The following SH3BP5 variants were observed in gnomAD, a reference collection of about 807,000 sequenced individuals.
The protein encoded by SH3BP5 is SH3 domain-binding protein 5.
A neutral mutation model predicts 43.3 loss-of-function variants in SH3BP5; 22 were observed. That is an observed-to-expected ratio of 0.51 (90% CI 0.36 to 0.73). The LOEUF is 0.73. Among genes scored for constraint, SH3BP5 ranks in the 30% least tolerant of loss-of-function variants. The pLI is 0.00. For synonymous variants in SH3BP5, 255 were observed against 225.8 expected (o/e 1.13, Z -1.16); for missense variants, 529 against 586.9 (o/e 0.90, Z 1.02).
intron 5 of SH3BP5, among the ~76,000 whole-genome samples, chr3:15,261,118 C>A (rs528487068): frequency 6.6e-6 from 1 of 152,192 alleles, no homozygotes; most frequent in Non-Finnish European, 1.5e-5. Flanking sequence ...CCTCCTGCCT[C>A]CCCTGCAGAA....
intron 1 of SH3BP5, 24 bp from the exon 2 acceptor site, chr3:15,330,590 A>G (rs745914685): frequency 1.0e-5 from 16 of 1,568,870 alleles, no homozygotes; most frequent in Middle Eastern, 3.4e-4. Context: ...GAGGGAGAAA[A>G]AAAGACTTAA....
At chr3:15,293,762 C>T (rs1054454121) in intron 3 of SH3BP5, among the ~76,000 whole-genome samples, 2 of 152,088 alleles carry the variant, frequency 1.3e-5, no homozygotes, top group African/African-American at 4.8e-5. Context: ...GTGATTATTC[C>T]CCCTCAGTAT....
At chr3:15,338,244 G>A (rs557511027) in intron 1 of SH3BP5, among the ~76,000 whole-genome samples, 68 of 152,288 alleles carry the variant, frequency 4.5e-4, no homozygotes, top group African/African-American at 1.6e-3. Context: ...TCCAGAGGCT[G>A]AGATGGGAGG....
At chr3:15,306,617 A>G (rs1179070891) in intron 2 of SH3BP5, among the ~76,000 whole-genome samples, 1 of 152,198 alleles carries the variant, frequency 6.6e-6, no homozygotes, top group Non-Finnish European at 1.5e-5. Context: ...ACCTGCTGGT[A>G]AAACATGTGT....
intron 3 of SH3BP5, 23 bp downstream of exon 3, chr3:15,304,080 A>G: frequency 6.2e-7 from 1 of 1,602,956 alleles, no homozygotes; most frequent in South Asian, 1.1e-5. Context: ...GAGGTAGGGG[A>G]GACATCTATG....
At chr3:15,257,134 A>T (rs998921973) in intron 7 of SH3BP5, 21 bp from the exon 8 acceptor site, 5 of 1,608,414 alleles carry the variant, frequency 3.1e-6, no homozygotes, top group Admixed American at 1.7e-5. Context: ...AGAGAACACC[A>T]GTCACATGGG....
At chr3:15,262,035 AGGCCCCAGGGT>A (rs1696462234) in intron 5 of SH3BP5, 113 bp downstream of exon 5, 1 of 1,085,716 alleles carries the variant, frequency 9.2e-7, no homozygotes, top group Non-Finnish European at 1.3e-6. Context: ...GGCTCTGGTG[AGGCCCCAGGGT>A]CTACATCAAA....
rs115401295 is a variant in SH3BP5 at position 15,294,883 on chromosome 3, C to G, written c.330+9220G>C. On this transcript the variant is annotated intron_variant, in intron 3 of 8. Coordinates refer to ENST00000383791, the MANE Select transcript of SH3BP5 (RefSeq NM_004844.5). ...GCTGTCCATGCTGTTCCTTTCCTGACTGGTCCTTTAGCTCCCCTAAGCCTC... is the reference window on the plus strand; with the variant it reads ...GCTGTCCATGCTGTTCCTTTCCTGAGTGGTCCTTTAGCTCCCCTAAGCCTC... Among the ~76,000 whole-genome samples the G allele has an allele frequency of 1.5e-3, 226 of 152,308 alleles. 1 individual carries two copies. Among genetic ancestry groups the G allele is most frequent in the African/African-American group, 5.1e-3 (214 of 41,556 alleles).
In SH3BP5 at chr3:15,254,728, C is replaced by G. The variant is rs1339776848; in HGVS notation, c.*1358G>C. The stretch of plus-strand genomic sequence containing the variant: ...GGCTTAAATTATTACTGTTCATGAC[C>G]TTAATTAATTGAAAATGATTACTGG... On this transcript the variant is annotated 3_prime_UTR_variant, in exon 9 of 9. Coordinates refer to ENST00000383791, the MANE Select transcript of SH3BP5 (RefSeq NM_004844.5). 2 of 150,836 alleles carry G rather than the reference C, an allele frequency of 1.3e-5. No individual in the cohort carries two copies. The highest frequency in any genetic ancestry group is 2.9e-5 in the Non-Finnish European group (2 of 68,018). 9.3% of individuals were successfully genotyped at this position (150,836 alleles called of 1,614,324 possible).
chr3:15,266,617 G>T (rs1338956858), intron 4 of SH3BP5, among the ~76,000 whole-genome samples: 1 of 152,216 alleles, frequency 6.6e-6, no homozygotes, highest in East Asian at 1.9e-4. Flanking sequence ...CCCAGCTGGA[G>T]AGCAGCAGGG....
chr3:15,259,574 G>T, intron 6 of SH3BP5, 187 bp downstream of exon 6: 1 of 701,376 alleles, frequency 1.4e-6, no homozygotes. Flanking sequence ...CTGAATGGCA[G>T]TTACAGAGGT....
chr3:15,290,129 C>T (rs1170519511), intron 3 of SH3BP5, among the ~76,000 whole-genome samples: 6 of 152,068 alleles, frequency 3.9e-5, no homozygotes, highest in Non-Finnish European at 5.9e-5. Context: ...AGGCCGGGCA[C>T]GGTGGCTCAC....
chr3:15,269,097 C>T (rs1339493315), intron 4 of SH3BP5, among the ~76,000 whole-genome samples: 1 of 152,070 alleles, frequency 6.6e-6, no homozygotes, highest in Non-Finnish European at 1.5e-5. Context: ...CTCTGAGTAA[C>T]GCAGTCAGAG....
chr3:15,291,256 G>A (rs1697405734), intron 3 of SH3BP5, among the ~76,000 whole-genome samples: 1 of 152,302 alleles, frequency 6.6e-6, no homozygotes, highest in Non-Finnish European at 1.5e-5. Context: ...TACAGGCTAA[G>A]GAATGACAAA....
intron 3 of SH3BP5, among the ~76,000 whole-genome samples, chr3:15,293,765 C>T (rs1697480031): frequency 6.6e-6 from 1 of 152,168 alleles, no homozygotes; most frequent in Non-Finnish European, 1.5e-5. Context: ...ATTATTCCCC[C>T]TCAGTATGAT....
At position 15,256,132 on chromosome 3, in the gene SH3BP5, C is replaced by G; in HGVS notation, c.1322G>C (p.Gly441Ala). The part of the protein sequence containing the change: ...MKQLSLQCSK[G>A]RDGIIADIKM... The stretch of plus-strand genomic sequence containing the variant: ...TATGTCAGCAATAATTCCATCTCTT[C>G]CCTTTGAGCACTGTAGGGAGAGCTG... Residue 441 changes from glycine to alanine, a missense_variant, in exon 9 of 9, where the codon GGA (glycine) becomes GCA (alanine). Gly to Ala is a moderately conservative substitution (Grantham distance 60). This residue lies in a region of SH3BP5 where 369 missense variants were observed against 384.3 expected (regional missense o/e 0.96). Transcript: ENST00000383791. 6.2e-7 allele frequency: 1 copy of G among 1,614,230 alleles called. No homozygotes were observed. The highest frequency in any genetic ancestry group is 8.5e-7 in the Non-Finnish European group (1 of 1,180,044).
intron 2 of SH3BP5, among the ~76,000 whole-genome samples, chr3:15,328,416 TTTTAAA>T (rs922081315): frequency 7.0e-6 from 1 of 141,990 alleles, no homozygotes; most frequent in Non-Finnish European, 1.6e-5. Flanking sequence ...CAATCAATGC[TTTTAAA>T]AAAAAAAAAA....
chr3:15,291,583 C>T (rs1426891833), intron 3 of SH3BP5, among the ~76,000 whole-genome samples: 1 of 152,152 alleles, frequency 6.6e-6, no homozygotes, highest in Non-Finnish European at 1.5e-5. Context: ...TTAAACTCCA[C>T]AAGGACATCC....
upstream of SH3BP5, among the ~76,000 whole-genome samples, chr3:15,334,825 G>A (rs912945436): frequency 5.3e-5 from 8 of 151,874 alleles, no homozygotes; most frequent in Non-Finnish European, 1.2e-4. Context: ...GGTGGCTCAT[G>A]CCTGTAGTCA....
Sources: allele counts gnomAD v4.1 joint callset (sites outside exome capture counted in the v4.1 genomes callset), GRCh38; gene constraint gnomAD v4.1.1; regional missense constraint gnomAD v4.1.1; transcripts MANE v1.5; gene names NCBI Gene and HGNC (gene_info 2026-07-23, HGNC 2026-07-21).